Variants in COG5 observed in about 807,000 individuals in gnomAD.
COG5 encodes the protein conserved oligomeric Golgi complex subunit 5.
COG5 carries 86 observed loss-of-function variants against 110.4 expected under a neutral mutation model. The observed-to-expected ratio is 0.78, with a 90% CI of 0.65 to 0.93. COG5 has a LOEUF of 0.93. COG5 is among the 40% of genes least tolerant of loss of function. The pLI is 0.00. For synonymous variants in COG5, 360 were observed against 334.6 expected (o/e 1.08, Z -0.83); for missense variants, 1,077 against 987.0 (o/e 1.09, Z -1.22).
intron 3 of COG5, among the ~76,000 whole-genome samples, chr7:107,549,980 ATG>A (rs1802769205): frequency 6.6e-6 from 1 of 152,044 alleles, no homozygotes; most frequent in Non-Finnish European, 1.5e-5. Flanking sequence ...ATATCTGCCT[ATG>A]TTCTCATTCC....
At chr7:107,317,700 C>T (rs1404619587) in intron 11 of COG5, among the ~76,000 whole-genome samples, 1 of 152,064 alleles carries the variant, frequency 6.6e-6, no homozygotes, top group Admixed American at 6.5e-5. Flanking sequence ...AATTAATCAG[C>T]CCCAAACAAG....
At chr7:107,223,440 T>C (rs563246393) in intron 19 of COG5, among the ~76,000 whole-genome samples, 2 of 152,336 alleles carry the variant, frequency 1.3e-5, no homozygotes, top group East Asian at 3.9e-4. Context: ...TGTCTCAGTC[T>C]AGATTGTCTA....
At chr7:107,525,568 A>G (rs571437003) in intron 6 of COG5, among the ~76,000 whole-genome samples, 1 of 125,950 alleles carries the variant, frequency 7.9e-6, no homozygotes, top group African/African-American at 3.0e-5. Context: ...TTTTTTTTTT[A>G]AAGAGTCAAG....
At chr7:107,403,032 T>G (rs1462544713) in intron 7 of COG5, among the ~76,000 whole-genome samples, 2 of 152,212 alleles carry the variant, frequency 1.3e-5, no homozygotes, top group Non-Finnish European at 2.9e-5. Flanking sequence ...TATTTTATAA[T>G]ACTACAAAGC....
chr7:107,477,004 TTTCC>T (rs1252156789), intron 6 of COG5, among the ~76,000 whole-genome samples: 6 of 151,712 alleles, frequency 4.0e-5, no homozygotes, highest in African/African-American at 1.4e-4. Context: ...AAAAGCCCAA[TTTCC>T]TTCTGTCTTA....
At chr7:107,249,526 ATATAT>A (rs1237515796) in intron 16 of COG5, among the ~76,000 whole-genome samples, 1 of 152,136 alleles carries the variant, frequency 6.6e-6, no homozygotes, top group Non-Finnish European at 1.5e-5. Flanking sequence ...AAAAATGTAA[ATATAT>A]TATACACACT....
chr7:107,334,740 G>A (rs915676032), intron 10 of COG5, among the ~76,000 whole-genome samples: 3 of 151,676 alleles, frequency 2.0e-5, no homozygotes, highest in African/African-American at 7.3e-5. Flanking sequence ...CATCAGACCT[G>A]TCTTACAAGA....
intron 19 of COG5, among the ~76,000 whole-genome samples, chr7:107,222,204 C>T (rs555056612): frequency 3.3e-5 from 5 of 151,806 alleles, no homozygotes; most frequent in African/African-American, 7.3e-5. Flanking sequence ...CCTGTCCCCC[C>T]CTTTTTTTTT....
intron 6 of COG5, among the ~76,000 whole-genome samples, chr7:107,492,429 T>C (rs956970514): frequency 6.6e-6 from 1 of 152,018 alleles, no homozygotes; most frequent in Non-Finnish European, 1.5e-5. Flanking sequence ...CCAAAACAGG[T>C]CACAATAAGC....
chr7:107,221,085 G>A (rs925478354), intron 19 of COG5, among the ~76,000 whole-genome samples: 2 of 152,060 alleles, frequency 1.3e-5, no homozygotes, highest in African/African-American at 2.4e-5. Flanking sequence ...CCAAAGTGCT[G>A]GAATTACAGG....
At chr7:107,301,728 G>T (rs1050290557) in intron 11 of COG5, among the ~76,000 whole-genome samples, 2 of 152,042 alleles carry the variant, frequency 1.3e-5, no homozygotes, top group African/African-American at 2.4e-5. Flanking sequence ...AATTAGCCAG[G>T]TGTGGTGGTG....
At chr7:107,244,385 C>A (rs1390863584) in intron 17 of COG5, among the ~76,000 whole-genome samples, 2 of 152,130 alleles carry the variant, frequency 1.3e-5, no homozygotes, top group African/African-American at 4.8e-5. Flanking sequence ...CAAAAAATCT[C>A]AAATTAACAA....
chr7:107,297,444 T>A (rs75442397), intron 12 of COG5, among the ~76,000 whole-genome samples: 2 of 32,590 alleles, frequency 6.1e-5, no homozygotes, highest in African/African-American at 2.6e-4. Context: ...ACATTCTGCC[T>A]TTTTTTTTTT....
intron 2 of COG5, among the ~76,000 whole-genome samples, chr7:107,554,772 G>C (rs879835094): frequency 9.9e-5 from 15 of 151,996 alleles, no homozygotes; most frequent in Non-Finnish European, 2.1e-4. Flanking sequence ...AGTCTTCCTC[G>C]GGCCTCTCCA....
chr7:107,262,373 T>C (rs1803424783), intron 14 of COG5, among the ~76,000 whole-genome samples: 1 of 152,168 alleles, frequency 6.6e-6, no homozygotes, highest in Non-Finnish European at 1.5e-5. Flanking sequence ...CAGTGAGTGG[T>C]ATCTTGAAAG....
rs1169733960 is a variant in COG5, at chr7:107,510,005, A to C, written c.538+17232T>G. 2.0e-5 allele frequency among the ~76,000 whole-genome samples: 3 copies of C among 152,318 alleles called. No individual in the cohort carries two copies. In the East Asian group the frequency reaches 5.8e-4, roughly 29 times the overall value. ...AACTGCATCAACTAACGAGCAAAATAACCAGCTAACATCATAATGACAAGA... is the reference window on the plus strand; with the variant it reads ...AACTGCATCAACTAACGAGCAAAATCACCAGCTAACATCATAATGACAAGA... On this transcript the variant is annotated intron_variant, in intron 6 of 21. Transcript: ENST00000297135.
intron 19 of COG5, among the ~76,000 whole-genome samples, chr7:107,220,296 G>T (rs1799820992): frequency 6.6e-6 from 1 of 152,176 alleles, no homozygotes; most frequent in Non-Finnish European, 1.5e-5. Context: ...TCATTTGAAG[G>T]TCACACAATT....
chr7:107,464,294 T>C (rs2129103185), intron 6 of COG5, among the ~76,000 whole-genome samples: 1 of 152,354 alleles, frequency 6.6e-6, no homozygotes, highest in Middle Eastern at 3.4e-3. Flanking sequence ...ATTCAGCAGC[T>C]ACAGCCATAC....
chr7:107,494,470 CATAAT>C (rs1343775092), intron 6 of COG5, among the ~76,000 whole-genome samples: 2 of 152,180 alleles, frequency 1.3e-5, no homozygotes, highest in Non-Finnish European at 2.9e-5. Flanking sequence ...GTGACCTTAG[CATAAT>C]ATGTCACCTG....
Sources: allele counts gnomAD v4.1 joint callset (sites outside exome capture counted in the v4.1 genomes callset), GRCh38; gene constraint gnomAD v4.1.1; transcripts MANE v1.5; gene names NCBI Gene and HGNC (gene_info 2026-07-23, HGNC 2026-07-21).